The following CCDC28A variants were observed in gnomAD, a reference collection of about 807,000 sequenced individuals.
CCDC28A encodes coiled-coil domain containing 28A.
Under a neutral mutation model 22.1 loss-of-function variants are expected in CCDC28A, and 24 were observed. The observed-to-expected ratio is 1.09, with a 90% confidence interval of 0.79 to 1.53. The LOEUF (loss-of-function observed/expected upper bound fraction) is 1.53, where lower values mean the gene tolerates loss of function less well. Ranked by LOEUF, CCDC28A falls within the 40% of genes most tolerant of loss-of-function variation. The pLI is 0.00. For synonymous variants in CCDC28A, 83 were observed against 74.7 expected (o/e 1.11, Z -0.57); for missense variants, 170 against 210.7 (o/e 0.81, Z 1.20).
intron 1 of CCDC28A, among the ~76,000 whole-genome samples, chr6:138,774,994 C>A (rs1356359410): frequency 6.6e-6 from 1 of 151,564 alleles, no homozygotes; most frequent in Non-Finnish European, 1.5e-5. Context: ...CGCTCTGTCG[C>A]AGTGGCACCA....
chr6:138,791,392 T>G (rs1775167325), intron 5 of CCDC28A, among the ~76,000 whole-genome samples: 1 of 152,174 alleles, frequency 6.6e-6, no homozygotes, highest in Non-Finnish European at 1.5e-5. Context: ...TGCGTTGTAT[T>G]TCTATTGAAC....
intron 2 of CCDC28A, 106 bp from the exon 3 acceptor site, chr6:138,779,714 CTA>C (rs748316527): frequency 2.8e-5 from 22 of 784,550 alleles, no homozygotes; most frequent in Non-Finnish European, 4.0e-5. Flanking sequence ...AGTATTGACT[CTA>C]TTTGATTTCT....
chr6:138,777,395 C>T (rs1272733876), intron 2 of CCDC28A, among the ~76,000 whole-genome samples: 2 of 152,086 alleles, frequency 1.3e-5, no homozygotes, highest in Non-Finnish European at 2.9e-5. Flanking sequence ...GGGTTTTTGT[C>T]ATGGAAGAGT....
At position 138,779,955 on chromosome 6, in the gene CCDC28A, G is replaced by T. The variant is rs1416056363; in HGVS notation, c.292G>T (p.Asp98Tyr). The change falls in exon 3 of 6, where the codon GAT becomes TAT. Residue 98 changes from aspartate (D) to tyrosine (Y), a missense_variant. Transcript: ENST00000617445. ...MERGLLSLLNDFHSGKLQAFG... is the reference protein window; with the variant it reads ...MERGLLSLLNYFHSGKLQAFG... ...GAGAGGGCTGCTCAGTCTTTTGAAT[G>T]ATTTCCACTCTGGAAAACTTCAAGC... 6.2e-7 allele frequency: 1 copy of T among 1,611,428 alleles called. No homozygotes were observed. The highest frequency in any genetic ancestry group is 8.5e-7 in the Non-Finnish European group (1 of 1,179,128).
At chr6:138,776,651 G>T (rs1480880194) in intron 2 of CCDC28A, among the ~76,000 whole-genome samples, 1 of 151,450 alleles carries the variant, frequency 6.6e-6, no homozygotes, top group Non-Finnish European at 1.5e-5. Context: ...TGCCTTGGTA[G>T]TTTTCTTAAT....
chr6:138,782,937 CAG>C (rs1256820645), intron 3 of CCDC28A, among the ~76,000 whole-genome samples: 1 of 151,708 alleles, frequency 6.6e-6, no homozygotes. Flanking sequence ...TTAGGAAAAA[CAG>C]AAAGGTTTTT....
rs1362350108 is a variant in CCDC28A, at chr6:138,793,183, T to C, written c.*380T>C. 4 of 196,914 alleles carry C rather than the reference T, an allele frequency of 2.0e-5. No individual in the cohort carries two copies. Among genetic ancestry groups the C allele is most frequent in the Non-Finnish European group, 3.1e-5 (3 of 96,626 alleles). 12.2% of individuals were successfully genotyped at this position (196,914 alleles called of 1,614,324 possible). A position where few individuals can be genotyped will look rare whatever the true frequency, so the allele number is the denominator to read the frequency against. On this transcript the variant is annotated 3_prime_UTR_variant, in exon 6 of 6. Transcript: ENST00000617445. The stretch of plus-strand genomic sequence containing the variant: ...CGCAAGCTGTTGATGCACAGGCGTC[T>C]TGTGGCAAGCCCAGCTTCAGTTTAT...
intron 5 of CCDC28A, among the ~76,000 whole-genome samples, chr6:138,791,039 A>G (rs553798277): frequency 2.2e-4 from 33 of 152,290 alleles, no homozygotes; most frequent in African/African-American, 7.7e-4. Flanking sequence ...AACATAAAAT[A>G]TCTCAATTTT....
chr6:138,787,229 G>A (rs1172134199), intron 4 of CCDC28A, among the ~76,000 whole-genome samples: 2 of 152,150 alleles, frequency 1.3e-5, no homozygotes, highest in Non-Finnish European at 2.9e-5. Flanking sequence ...GCCTTTGGGA[G>A]GTGATTCAGG....
intron 3 of CCDC28A, among the ~76,000 whole-genome samples, chr6:138,781,779 C>G (rs1024161088): frequency 6.6e-6 from 1 of 151,914 alleles, no homozygotes; most frequent in Non-Finnish European, 1.5e-5. Context: ...AGATACTAAC[C>G]CTCTGACCTC....
At chr6:138,775,591 T>C (rs543198178) in intron 1 of CCDC28A, among the ~76,000 whole-genome samples, 1 of 152,366 alleles carries the variant, frequency 6.6e-6, no homozygotes, top group African/African-American at 2.4e-5. Context: ...GTAAAATCCC[T>C]ATGACAATTA....
chr6:138,776,836 A>C (rs1364919173), intron 2 of CCDC28A, among the ~76,000 whole-genome samples: 2 of 151,934 alleles, frequency 1.3e-5, no homozygotes, highest in East Asian at 3.8e-4. Context: ...TTATTTCTAA[A>C]AAATAATGGT....
At chr6:138,786,474 G>A (rs535666044) in intron 4 of CCDC28A, among the ~76,000 whole-genome samples, 4 of 152,322 alleles carry the variant, frequency 2.6e-5, no homozygotes, top group Admixed American at 1.3e-4. Flanking sequence ...TGACAAAAAA[G>A]GGTTAATTTC....
At chr6:138,776,014 C>A in intron 1 of CCDC28A, 65 bp from the exon 2 acceptor site, 1 of 1,351,472 alleles carries the variant, frequency 7.4e-7, no homozygotes, top group Non-Finnish European at 1.1e-6. Context: ...TGAAATGGGT[C>A]TTTGAATTTC....
At chr6:138,783,376 C>A (rs149940879) in intron 3 of CCDC28A, among the ~76,000 whole-genome samples, 1,941 of 149,032 alleles carry the variant, frequency 0.013, 50 homozygotes, top group African/African-American at 0.045. Context: ...TCAAGCCATC[C>A]TCCCACCTCA....
rs541939937 is a variant in CCDC28A, at chr6:138,785,334, A to G, written c.430A>G (p.Lys144Glu). The change falls in exon 4 of 6, where the codon AAG (lysine) becomes GAG (glutamate). Residue 144 changes from lysine (K) to glutamate (E), a missense_variant. By Grantham distance (56) the Lys-to-Glu change is moderately conservative. Transcript: ENST00000617445. Reference sequence around the variant, plus strand: ...GGAGTTAGAGGAACTTCCTGAGGATAAGAGAAAAACAGCCAGTGACTCCAA... The same window carrying G: ...GGAGTTAGAGGAACTTCCTGAGGATGAGAGAAAAACAGCCAGTGACTCCAA... ...YGELEELPED[K>E]RKTASDSNLD... 6.2e-7 allele frequency: 1 copy of G among 1,613,602 alleles called. No individual in the cohort carries two copies. The highest frequency in any genetic ancestry group is 2.2e-5 in the East Asian group (1 of 44,870).
intron 4 of CCDC28A, 29 bp downstream of exon 4, chr6:138,785,410 T>A: frequency 5.8e-6 from 9 of 1,542,670 alleles, no homozygotes; most frequent in Non-Finnish European, 6.2e-6. Context: ...CTTTGTTCTT[T>A]AAAAAAAAAT....
chr6:138,774,005 G>A (rs1774886155), intron 1 of CCDC28A, 103 bp downstream of exon 1: 1 of 1,376,628 alleles, frequency 7.3e-7, no homozygotes. Flanking sequence ...CATCGCTTCG[G>A]TAGATTGGGG....
At chr6:138,775,637 A>G (rs138581995) in intron 1 of CCDC28A, among the ~76,000 whole-genome samples, 19 of 152,338 alleles carry the variant, frequency 1.2e-4, no homozygotes, top group African/African-American at 3.8e-4. Flanking sequence ...CTTCTTAAGC[A>G]TACATTTTGG....
Sources: allele counts gnomAD v4.1 joint callset (sites outside exome capture counted in the v4.1 genomes callset), GRCh38; gene constraint gnomAD v4.1.1; transcripts MANE v1.5; gene names NCBI Gene and HGNC (gene_info 2026-07-23, HGNC 2026-07-21).